DDHD2: variants seen among roughly 807,000 people sequenced by gnomAD.
DDHD2 encodes DDHD domain containing 2.
DDHD2 carries 62 observed loss-of-function variants against 91.2 expected under a neutral mutation model. That is an observed-to-expected ratio of 0.68 (90% CI 0.55 to 0.84). The LOEUF (loss-of-function observed/expected upper bound fraction) is 0.84. Ranked by LOEUF, DDHD2 falls within the 40% of genes least tolerant of loss-of-function variation. The probability of loss-of-function intolerance (pLI) is 0.00; values close to 1 mark genes in which losing one functional copy is unlikely to be tolerated. For synonymous variants in DDHD2, 271 were observed against 293.9 expected (o/e 0.92, Z 0.80); for missense variants, 740 against 846.9 (o/e 0.87, Z 1.57).
At chr8:38,240,493 T>G (rs1585714624) in intron 6 of DDHD2, 129 bp downstream of exon 6, 1 of 561,472 alleles carries the variant, frequency 1.8e-6, no homozygotes, top group East Asian at 3.0e-5. Context: ...GGCAAGGTAG[T>G]AAAGCTTCTC....
chr8:38,235,883 A>G (rs1007258029), intron 3 of DDHD2, among the ~76,000 whole-genome samples: 1 of 151,226 alleles, frequency 6.6e-6, no homozygotes, highest in Non-Finnish European at 1.5e-5. Flanking sequence ...GCACACACAC[A>G]CACACACACA....
chr8:38,260,263 T>A, intron 17 of DDHD2, 116 bp downstream of exon 17: 1 of 546,496 alleles, frequency 1.8e-6, no homozygotes, highest in East Asian at 2.9e-5. Flanking sequence ...CACCAAGATC[T>A]AGGCTGCTAT....
chr8:38,257,240 T>TG (rs1806582797), intron 16 of DDHD2, among the ~76,000 whole-genome samples: 1 of 89,836 alleles, frequency 1.1e-5, no homozygotes, highest in African/African-American at 4.1e-5. Context: ...GCCAACAAGT[T>TG]TTTTTTTTTT....
downstream of DDHD2, chr8:38,267,626 T>G: frequency 1.6e-6 from 1 of 621,096 alleles, no homozygotes; most frequent in Non-Finnish European, 2.8e-6. Flanking sequence ...AAACAGCAAA[T>G]GACACTGCAG....
chr8:38,268,574 T>C, intron 1 of DDHD2: 1 of 1,470,332 alleles, frequency 6.8e-7, no homozygotes, highest in Non-Finnish European at 9.0e-7. Flanking sequence ...ATAAGGTCTC[T>C]GAGTGCGCGT....
At chr8:38,252,645 A>T in intron 13 of DDHD2, 77 bp from the exon 14 acceptor site, 1 of 1,012,562 alleles carries the variant, frequency 9.9e-7, no homozygotes. Flanking sequence ...TCATCTCAAA[A>T]AAAAAAAAAA....
intron 1 of DDHD2, chr8:38,269,799 G>A (rs2130965956): frequency 6.6e-6 from 1 of 152,130 alleles, no homozygotes; most frequent in East Asian, 1.9e-4. Flanking sequence ...AATCCTCACG[G>A]AAGCAAAAAA....
At chr8:38,272,364 C>T (rs1162721322), downstream of DDHD2, 1 of 152,174 alleles carries the variant, frequency 6.6e-6, no homozygotes, top group Non-Finnish European at 1.5e-5. Flanking sequence ...GAAAATAAAA[C>T]CCACCTCACT....
downstream of DDHD2, chr8:38,265,200 A>T: frequency 3.9e-5 from 11 of 281,092 alleles, no homozygotes; most frequent in East Asian, 9.2e-5. Context: ...CAGGAGGTGG[A>T]GGTTGCAGTG....
At chr8:38,270,588 T>G (rs1203590252) in intron 1 of DDHD2, 3 of 152,224 alleles carry the variant, frequency 2.0e-5, no homozygotes. Context: ...ATTTCTAAAC[T>G]GACAAGAATA....
At chr8:38,242,476 C>A in intron 7 of DDHD2, 91 bp downstream of exon 7, 1 of 1,341,104 alleles carries the variant, frequency 7.5e-7, no homozygotes. Context: ...CTATAGCTGA[C>A]TGAATATTTA....
rs1356706175 is a variant in DDHD2, at chr8:38,234,467, G to A, written c.294G>A (p.Arg98=). The part of the protein sequence containing the change: ...RYDVHLGERM[R]YAVYWDELAS... ...ATGTTCATTTGGGGGAGAGGATGCG[G>A]TATGCTGTATACTGGGATGAACTGG... Residue 98 remains arginine, a synonymous_variant, in exon 3 of 18, where the codon CGG becomes CGA. Coordinates refer to ENST00000397166, the MANE Select transcript of DDHD2 (RefSeq NM_015214.3). 6.2e-7 allele frequency: 1 copy of A among 1,612,802 alleles called. No homozygotes were observed. Among genetic ancestry groups the A allele is most frequent in the Non-Finnish European group, 8.5e-7 (1 of 1,179,788 alleles).
intron 16 of DDHD2, among the ~76,000 whole-genome samples, chr8:38,259,366 G>T (rs374929377): frequency 6.6e-6 from 1 of 150,550 alleles, no homozygotes; most frequent in Admixed American, 6.6e-5. Flanking sequence ...GACTACAGTC[G>T]CATGCTGCCA....
At chr8:38,236,447 T>C (rs1188344941) in intron 3 of DDHD2, among the ~76,000 whole-genome samples, 1 of 151,844 alleles carries the variant, frequency 6.6e-6, no homozygotes, top group Non-Finnish European at 1.5e-5. Flanking sequence ...CTCTGCATCC[T>C]GGGTTCAAGC....
At chr8:38,232,946 C>T in intron 1 of DDHD2, 41 bp from the exon 2 acceptor site, 1 of 1,484,536 alleles carries the variant, frequency 6.7e-7, no homozygotes, top group Non-Finnish European at 9.3e-7. Flanking sequence ...AACAGTTACA[C>T]AGTTAAGTTC....
chr8:38,248,375 T>G (rs1329115485), intron 10 of DDHD2, among the ~76,000 whole-genome samples: 2 of 151,866 alleles, frequency 1.3e-5, no homozygotes, highest in Admixed American at 1.3e-4. Context: ...GATTTGTTTT[T>G]TTTTTTTTTT....
At chr8:38,250,355 C>G (rs12056698) in intron 11 of DDHD2, 26,868 of 151,730 alleles carry the variant, frequency 0.18, 3,007 homozygotes, top group East Asian at 0.31. Context: ...CCTCCACCTT[C>G]CAGGTTCAAG....
downstream of DDHD2, chr8:38,267,090 A>G: frequency 6.9e-7 from 1 of 1,459,052 alleles, no homozygotes; most frequent in Non-Finnish European, 9.1e-7. Context: ...CTGTTCTGTA[A>G]TATTTACCCA....
At position 38,233,153 on chromosome 8, in the gene DDHD2, G is replaced by A; in HGVS notation, c.159G>A (p.Lys53=). 1 of 1,614,114 alleles carries A rather than the reference G, an allele frequency of 6.2e-7. No individual in the cohort carries two copies. Among genetic ancestry groups the A allele is most frequent in the Non-Finnish European group, 8.5e-7 (1 of 1,180,028 alleles). ...HWFYCKIIDS[K]ETWIPFNSED... is the part of the protein sequence containing the mutation. ...TTTATTGTAAGATAATAGATTCTAA[G>A]GAGACATGGATTCCTTTCAACTCTG... Residue 53 remains lysine, a synonymous_variant, in exon 2 of 18, where the codon AAG becomes AAA. Transcript: ENST00000397166.
Sources: allele counts gnomAD v4.1 joint callset (sites outside exome capture counted in the v4.1 genomes callset), GRCh38; gene constraint gnomAD v4.1.1; transcripts MANE v1.5; gene names NCBI Gene and HGNC (gene_info 2026-07-23, HGNC 2026-07-21).